The following RHOJ variants were observed in gnomAD, a reference collection of about 807,000 sequenced individuals.
The protein encoded by RHOJ is ras homolog family member J, also known as rho-related GTP-binding protein RhoJ.
Under a neutral mutation model 23.4 loss-of-function variants are expected in RHOJ, and 11 were observed. That is an observed-to-expected ratio of 0.47 (90% CI 0.30 to 0.78). RHOJ has a LOEUF of 0.78. Ranked by LOEUF, RHOJ falls within the 30% of genes least tolerant of loss-of-function variation. The pLI is 0.08. For missense variants in RHOJ, 254 were observed against 273.4 expected, an observed-to-expected ratio of 0.93 and a Z score of 0.50; for synonymous variants, 102 against 102.7, an observed-to-expected ratio of 0.99 and a Z score of 0.04.
At chr14:63,282,682 G>GAAA (rs199732507) in intron 3 of RHOJ, among the ~76,000 whole-genome samples, 1 of 73,132 alleles carries the variant, frequency 1.4e-5, no homozygotes. Context: ...TTGGAAAAGC[G>GAAA]AAAAAAAAAA....
At chr14:63,217,642 T>C (rs1894394368) in intron 1 of RHOJ, among the ~76,000 whole-genome samples, 1 of 152,182 alleles carries the variant, frequency 6.6e-6, no homozygotes, top group African/African-American at 2.4e-5. Context: ...AAGGACTTCA[T>C]GTCTAAAACA....
At chr14:63,245,712 A>C (rs1894965275) in intron 1 of RHOJ, among the ~76,000 whole-genome samples, 1 of 152,178 alleles carries the variant, frequency 6.6e-6, no homozygotes, top group Non-Finnish European at 1.5e-5. Context: ...ATCTTAGACC[A>C]ATGTATAAAT....
intron 1 of RHOJ, among the ~76,000 whole-genome samples, chr14:63,214,255 T>C (rs1327584485): frequency 6.6e-6 from 1 of 152,216 alleles, no homozygotes; most frequent in Non-Finnish European, 1.5e-5. Context: ...TGAATGTCAA[T>C]AAGCTTCATA....
intron 2 of RHOJ, among the ~76,000 whole-genome samples, chr14:63,270,186 T>TTTTTTA (rs1895443049): frequency 6.7e-6 from 1 of 149,734 alleles, no homozygotes; most frequent in African/African-American, 2.5e-5. Flanking sequence ...TTTTTTTTTT[T>TTTTTTA]CACAATTGTT....
intron 1 of RHOJ, among the ~76,000 whole-genome samples, chr14:63,262,208 T>C (rs1171306168): frequency 1.3e-5 from 2 of 152,350 alleles, no homozygotes; most frequent in East Asian, 3.9e-4. Flanking sequence ...TTACAGGGCA[T>C]GAACGACACT....
chr14:63,255,856 C>CTT (rs140771576), intron 1 of RHOJ, among the ~76,000 whole-genome samples: 150 of 148,808 alleles, frequency 1.0e-3, no homozygotes, highest in African/African-American at 3.1e-3. Context: ...CACCTTTATC[C>CTT]TTTTTTTTTT....
chr14:63,278,000 C>CACACACAG (rs1300231282), intron 2 of RHOJ, among the ~76,000 whole-genome samples: 1 of 151,508 alleles, frequency 6.6e-6, no homozygotes, highest in Non-Finnish European at 1.5e-5. Context: ...CACACACACA[C>CACACACAG]AGACATAGGC....
intron 4 of RHOJ, among the ~76,000 whole-genome samples, chr14:63,287,599 G>GTTT (rs200884009): frequency 7.2e-6 from 1 of 139,358 alleles, no homozygotes; most frequent in Non-Finnish European, 1.6e-5. Context: ...AGTCATTACG[G>GTTT]TTTTTTTTTT....
chr14:63,261,577 A>G (rs1895272786), intron 1 of RHOJ, among the ~76,000 whole-genome samples: 1 of 150,320 alleles, frequency 6.7e-6, no homozygotes, highest in African/African-American at 2.5e-5. Flanking sequence ...GCTACTTGAT[A>G]CACACCACCA....
chr14:63,230,692 TAC>T (rs58916971), intron 1 of RHOJ, among the ~76,000 whole-genome samples: 26,071 of 148,222 alleles, frequency 0.18, 3,845 homozygotes, highest in African/African-American at 0.4. Flanking sequence ...CACACATATG[TAC>T]ACACACACAC....
intron 4 of RHOJ, chr14:63,284,473 C>G: frequency 4.0e-6 from 2 of 497,028 alleles, no homozygotes; most frequent in Non-Finnish European, 5.2e-6. Context: ...GATGAGGAAA[C>G]AGTCTTAGAA....
chr14:63,284,597 G>A (rs941316516), intron 4 of RHOJ, among the ~76,000 whole-genome samples: 5 of 152,120 alleles, frequency 3.3e-5, no homozygotes, highest in Non-Finnish European at 5.9e-5. Context: ...TCTTTCCTTG[G>A]GTGAAATGGG....
intron 2 of RHOJ, among the ~76,000 whole-genome samples, chr14:63,271,767 G>C (rs1027113027): frequency 1.3e-5 from 2 of 152,048 alleles, no homozygotes; most frequent in East Asian, 3.9e-4. Context: ...GCTAATTTTT[G>C]TGTTTTTTTT....
intron 1 of RHOJ, among the ~76,000 whole-genome samples, chr14:63,233,825 A>G (rs903234880): frequency 6.6e-6 from 1 of 152,182 alleles, no homozygotes; most frequent in East Asian, 1.9e-4. Flanking sequence ...CTTCCAAACA[A>G]CAACAACAAC....
At chr14:63,221,045 C>T (rs1467412601) in intron 1 of RHOJ, among the ~76,000 whole-genome samples, 1 of 152,160 alleles carries the variant, frequency 6.6e-6, no homozygotes, top group Admixed American at 6.5e-5. Flanking sequence ...AACAGCTGCT[C>T]GGGCTGGGCA....
rs148773669 is a variant in RHOJ, at chr14:63,261,639, C to CT, written c.179-7468dup. On this transcript the variant is annotated intron_variant, in intron 1 of 4. Coordinates refer to ENST00000316754, the MANE Select transcript of RHOJ (RefSeq NM_020663.5). ...CATGTTTTGTAGAGATGGGGTCTCA[C>CT]TTTGTTTCCCAGGCTGGTCTCAAAC... Among the ~76,000 whole-genome samples, 679 of 151,188 alleles carry CT rather than the reference C, an allele frequency of 4.5e-3. 38 individuals are homozygous for CT. The East Asian group carries it at 0.12, about 26-fold the overall frequency.
chr14:63,260,786 A>G (rs760968622), intron 1 of RHOJ, among the ~76,000 whole-genome samples: 4 of 152,178 alleles, frequency 2.6e-5, no homozygotes, highest in Non-Finnish European at 4.4e-5. Flanking sequence ...GTTAGCTACT[A>G]TAAACACTTT....
At chr14:63,267,441 G>C (rs1483618184) in intron 1 of RHOJ, among the ~76,000 whole-genome samples, 1 of 152,222 alleles carries the variant, frequency 6.6e-6, no homozygotes, top group Non-Finnish European at 1.5e-5. Context: ...TGTATGTCAT[G>C]AGACAATCTA....
intron 1 of RHOJ, among the ~76,000 whole-genome samples, chr14:63,213,795 G>C (rs1894292593): frequency 6.6e-6 from 1 of 152,078 alleles, no homozygotes. Flanking sequence ...ATCATCTAGG[G>C]CTTTGTGGTG....
Sources: allele counts gnomAD v4.1 joint callset (sites outside exome capture counted in the v4.1 genomes callset), GRCh38; gene constraint gnomAD v4.1.1; transcripts MANE v1.5; gene names NCBI Gene and HGNC (gene_info 2026-07-23, HGNC 2026-07-21).